Variants in DRC11 observed in about 807,000 individuals in gnomAD.
The protein encoded by DRC11 is IQ and AAA domain-containing protein 1.
At chr2:236,420,097 AG>A in the DRC11 span, among the ~76,000 whole-genome samples, 1 of 152,200 alleles carries the variant, frequency 6.6e-6, no homozygotes, top group South Asian at 2.1e-4. This position sits in a 1 kb window ranked among gnomAD's most constrained non-coding sequence, Gnocchi z 4.8. Flanking sequence ...CATAGCACTT[AG>A]GATCCGCCAG....
the DRC11 span, among the ~76,000 whole-genome samples, chr2:236,357,432 G>A: frequency 8.1e-6 from 1 of 123,724 alleles, no homozygotes; most frequent in South Asian, 2.4e-4. Flanking sequence ...AATTTACATA[G>A]TATATGTATA....
At chr2:236,378,653 C>T in the DRC11 span, among the ~76,000 whole-genome samples, 4 of 141,928 alleles carry the variant, frequency 2.8e-5, no homozygotes, top group African/African-American at 8.0e-5. Flanking sequence ...CCAGCCTGGG[C>T]GAAACAGCGA....
At chr2:236,383,657 T>C in the DRC11 span, among the ~76,000 whole-genome samples, 1 of 151,918 alleles carries the variant, frequency 6.6e-6, no homozygotes, top group African/African-American at 2.4e-5. Context: ...TGTTTTGTTT[T>C]TAAAACAACT....
the DRC11 span, among the ~76,000 whole-genome samples, chr2:236,416,233 C>T: frequency 6.6e-6 from 1 of 152,138 alleles, no homozygotes. Flanking sequence ...GCTGGGAGAA[C>T]CCTTGGAGTT....
chr2:236,377,295 C>T, the DRC11 span: 2 of 627,882 alleles, frequency 3.2e-6, no homozygotes, highest in East Asian at 2.8e-5. The surrounding 1 kb of genome is among the most constrained non-coding windows in gnomAD (Gnocchi z 4.9). Context: ...TTTCAAAGTA[C>T]ATTTGTTCAT....
At chr2:236,307,696 G>A in the DRC11 span, among the ~76,000 whole-genome samples, 1 of 152,186 alleles carries the variant, frequency 6.6e-6, no homozygotes, top group South Asian at 2.1e-4. This position sits in a 1 kb window ranked among gnomAD's most constrained non-coding sequence, Gnocchi z 7.0. Context: ...ATTCTATGGA[G>A]CTGCCTTTCA....
the DRC11 span, among the ~76,000 whole-genome samples, chr2:236,433,838 A>T: frequency 6.6e-6 from 1 of 152,236 alleles, no homozygotes; most frequent in Non-Finnish European, 1.5e-5. Flanking sequence ...CCTGACACTC[A>T]CTAGTGGAAA....
chr2:236,419,649 G>C, the DRC11 span, among the ~76,000 whole-genome samples: 1 of 152,158 alleles, frequency 6.6e-6, no homozygotes, highest in South Asian at 2.1e-4. This position sits in a 1 kb window ranked among gnomAD's most constrained non-coding sequence, Gnocchi z 4.8. Context: ...AAAATCCAGG[G>C]GGAGGATGCC....
the DRC11 span, among the ~76,000 whole-genome samples, chr2:236,418,902 T>G: frequency 6.6e-6 from 1 of 151,786 alleles, no homozygotes; most frequent in South Asian, 2.1e-4. Context: ...TGAAAAAACA[T>G]GTGAGGTATC....
the DRC11 span, among the ~76,000 whole-genome samples, chr2:236,336,713 C>T: frequency 1.3e-5 from 2 of 152,330 alleles, no homozygotes; most frequent in Admixed American, 1.3e-4. This position sits in a 1 kb window ranked among gnomAD's most constrained non-coding sequence, Gnocchi z 7.3. Flanking sequence ...TCCCGCCAAT[C>T]CCCTCCACCA....
chr2:236,445,018 A>G, the DRC11 span, among the ~76,000 whole-genome samples: 1 of 152,230 alleles, frequency 6.6e-6, no homozygotes, highest in South Asian at 2.1e-4. The surrounding 1 kb of genome is among the most constrained non-coding windows in gnomAD (Gnocchi z 4.8). Context: ...CCCAGCCTGG[A>G]CGGGGCTTAG....
chr2:236,405,974 C>A, the DRC11 span, among the ~76,000 whole-genome samples: 1 of 152,070 alleles, frequency 6.6e-6, no homozygotes, highest in Non-Finnish European at 1.5e-5. The surrounding 1 kb of genome is among the most constrained non-coding windows in gnomAD (Gnocchi z 4.6). Context: ...ACTGGAACTG[C>A]GAAAAGTGAA....
At chr2:236,495,928 C>G in the DRC11 span, among the ~76,000 whole-genome samples, 2 of 152,162 alleles carry the variant, frequency 1.3e-5, no homozygotes, top group African/African-American at 4.8e-5. This position sits in a 1 kb window ranked among gnomAD's most constrained non-coding sequence, Gnocchi z 5.6. Context: ...GTCCCTGGAG[C>G]AGAGGGGCCT....
the DRC11 span, among the ~76,000 whole-genome samples, chr2:236,391,727 A>G: frequency 1.3e-5 from 2 of 152,192 alleles, no homozygotes; most frequent in East Asian, 3.8e-4. This position sits in a 1 kb window ranked among gnomAD's most constrained non-coding sequence, Gnocchi z 4.5. Context: ...GGCTTGGGTA[A>G]TATGAATCTG....
At chr2:236,428,969 G>A in the DRC11 span, among the ~76,000 whole-genome samples, 9 of 152,162 alleles carry the variant, frequency 5.9e-5, no homozygotes, top group South Asian at 2.1e-4. Flanking sequence ...ATTGTGTTCC[G>A]TTGGTGGTAT....
chr2:236,320,663 C>T, the DRC11 span, among the ~76,000 whole-genome samples: 3 of 152,264 alleles, frequency 2.0e-5, no homozygotes, highest in South Asian at 6.2e-4. Flanking sequence ...TTTAATCAGA[C>T]TCCATCCCGC....
chr2:236,393,832 G>C, the DRC11 span, among the ~76,000 whole-genome samples: 1,700 of 152,276 alleles, frequency 0.011, 33 homozygotes, highest in African/African-American at 0.039. This position sits in a 1 kb window ranked among gnomAD's most constrained non-coding sequence, Gnocchi z 4.7. Flanking sequence ...CTTGGTGCAA[G>C]AGCCACTGTT....
chr2:236,417,811 G>C, the DRC11 span, among the ~76,000 whole-genome samples: 42 of 151,602 alleles, frequency 2.8e-4, no homozygotes, highest in South Asian at 8.4e-3. Flanking sequence ...TCCCACTTAT[G>C]AGTGAGAACA....
At chr2:236,441,065 A>G in the DRC11 span, 2 of 1,559,060 alleles carry the variant, frequency 1.3e-6, no homozygotes, top group East Asian at 2.4e-5. Context: ...GTCAGAAAAA[A>G]TAATAGCTGA....
Sources: allele counts gnomAD v4.1 joint callset (sites outside exome capture counted in the v4.1 genomes callset), GRCh38; gene constraint gnomAD v4.1.1; non-coding constraint Gnocchi (gnomAD v3.1); transcripts MANE v1.5; gene names NCBI Gene and HGNC (gene_info 2026-07-23, HGNC 2026-07-21).